Variants in NRXN3 observed in about 807,000 individuals in gnomAD.
The protein encoded by NRXN3 is neurexin III.
A neutral mutation model predicts 137.6 loss-of-function variants in NRXN3; 32 were observed. The ratio of observed to expected loss-of-function variants is 0.23; its 90% confidence interval spans 0.18 to 0.31. The LOEUF (loss-of-function observed/expected upper bound fraction) is 0.31, where lower values mean the gene tolerates loss of function less well. Ranked by LOEUF, NRXN3 falls within the 10% of genes least tolerant of loss-of-function variation. The pLI is 1.00. For missense variants in NRXN3, 1,574 were observed against 2,062.5 expected, an observed-to-expected ratio of 0.76 and a Z score of 4.59; for synonymous variants, 798 against 784.5, an observed-to-expected ratio of 1.02 and a Z score of -0.29.
At chr14:79,594,334 A>T (rs1475895988) in intron 16 of NRXN3, among the ~76,000 whole-genome samples, 1 of 152,188 alleles carries the variant, frequency 6.6e-6, no homozygotes, top group African/African-American at 2.4e-5. Flanking sequence ...CCCTGCTCTG[A>T]TAAAAAATAT....
chr14:79,531,398 A>G (rs1195150744), intron 16 of NRXN3, among the ~76,000 whole-genome samples: 1 of 152,226 alleles, frequency 6.6e-6, no homozygotes, highest in Admixed American at 6.5e-5. Flanking sequence ...AATGAAGGGT[A>G]GAACATTGAG....
chr14:79,759,022 A>C (rs1444442214), intron 19 of NRXN3, among the ~76,000 whole-genome samples: 1 of 152,216 alleles, frequency 6.6e-6, no homozygotes, highest in Non-Finnish European at 1.5e-5. Context: ...TACAGAAATC[A>C]GCTCTTGGAG....
chr14:78,554,284 C>A (rs8011361), intron 4 of NRXN3, among the ~76,000 whole-genome samples: 2 of 151,960 alleles, frequency 1.3e-5, no homozygotes, highest in African/African-American at 4.8e-5. Flanking sequence ...CACGACCAAG[C>A]GAGGTGCCAT....
intron 15 of NRXN3, among the ~76,000 whole-genome samples, chr14:79,080,799 G>T (rs1189021033): frequency 6.6e-6 from 1 of 152,092 alleles, no homozygotes; most frequent in Non-Finnish European, 1.5e-5. Context: ...CGCTTGCCAT[G>T]GTCTTTGTTT....
chr14:79,731,643 C>CT (rs530011034), intron 19 of NRXN3, among the ~76,000 whole-genome samples: 32,671 of 139,948 alleles, frequency 0.23, 4,041 homozygotes, highest in Middle Eastern at 0.33. Flanking sequence ...TCCCTTCCTT[C>CT]TTTTTTTTTT....
chr14:78,238,055 AAGG>A (rs1418506386), intron 1 of NRXN3, among the ~76,000 whole-genome samples: 4 of 152,178 alleles, frequency 2.6e-5, no homozygotes, highest in African/African-American at 9.6e-5. Flanking sequence ...ATGAAATTGG[AAGG>A]AGGGGTGGGG....
chr14:78,652,530 T>C (rs565227249), intron 6 of NRXN3, among the ~76,000 whole-genome samples: 1 of 152,360 alleles, frequency 6.6e-6, no homozygotes, highest in Non-Finnish European at 1.5e-5. Flanking sequence ...GGGATGTTAC[T>C]TGAGAAGCAA....
intron 15 of NRXN3, among the ~76,000 whole-genome samples, chr14:79,201,945 C>A (rs911881951): frequency 6.6e-6 from 1 of 152,192 alleles, no homozygotes; most frequent in African/African-American, 2.4e-5. Flanking sequence ...TTGGCTAAAG[C>A]CATATAGTTA....
At chr14:79,278,885 C>T (rs989845726) in intron 15 of NRXN3, among the ~76,000 whole-genome samples, 1 of 152,216 alleles carries the variant, frequency 6.6e-6, no homozygotes, top group African/African-American at 2.4e-5. Flanking sequence ...CCCAAGCCAC[C>T]GCCAGGCAGG....
At chr14:79,686,063 G>T (rs1236089628) in intron 17 of NRXN3, among the ~76,000 whole-genome samples, 3 of 152,014 alleles carry the variant, frequency 2.0e-5, no homozygotes. Context: ...GGAGGTCGAG[G>T]CGGGTGGATC....
chr14:79,481,022 G>A (rs578086211), intron 16 of NRXN3, among the ~76,000 whole-genome samples: 20 of 152,114 alleles, frequency 1.3e-4, no homozygotes, highest in East Asian at 9.7e-4. Flanking sequence ...ACTTACTTTC[G>A]TGAAAACAAC....
At chr14:78,993,746 G>A (rs543987998) in intron 15 of NRXN3, among the ~76,000 whole-genome samples, 2 of 151,626 alleles carry the variant, frequency 1.3e-5, no homozygotes, top group East Asian at 1.9e-4. Context: ...GGAGTCATAA[G>A]GTGGAGTAAT....
intron 20 of NRXN3, among the ~76,000 whole-genome samples, chr14:79,855,136 C>A (rs2141831206): frequency 6.6e-6 from 1 of 152,238 alleles, no homozygotes; most frequent in East Asian, 1.9e-4. Context: ...ATTTTCATAT[C>A]TAAAGTTATA....
chr14:78,243,809 C>A lies in NRXN3; in HGVS notation c.709+7C>A. On this transcript the variant is annotated splice_region_variant and intron_variant, in intron 2 of 20. Transcript: ENST00000335750. This position sits in a 1 kb window ranked among gnomAD's most constrained non-coding sequence, Gnocchi z 4.2. ...GGCAAGCTCTGCTCAGAAGGTAAGACCCTCTCCCTCTCTTGCTAGAGACCC... is the reference window on the plus strand; with the variant it reads ...GGCAAGCTCTGCTCAGAAGGTAAGAACCTCTCCCTCTCTTGCTAGAGACCC... 6.5e-7 allele frequency: 1 copy of A among 1,548,846 alleles called. No individual in the cohort carries two copies. The highest frequency in any genetic ancestry group is 1.2e-5 in the South Asian group (1 of 81,834).
chr14:79,807,052 G>A (rs1167694254), intron 20 of NRXN3, among the ~76,000 whole-genome samples: 4 of 129,422 alleles, frequency 3.1e-5, no homozygotes, highest in East Asian at 2.5e-4. Flanking sequence ...TTTATAGCTC[G>A]CTGCAGCCTT....
chr14:78,762,230 C>A (rs1437083186), intron 8 of NRXN3, among the ~76,000 whole-genome samples: 1 of 152,042 alleles, frequency 6.6e-6, no homozygotes, highest in Non-Finnish European at 1.5e-5. Context: ...TTCCTGATTT[C>A]TTTTTTAGCA....
intron 15 of NRXN3, among the ~76,000 whole-genome samples, chr14:79,176,414 C>T (rs911152634): frequency 1.3e-5 from 2 of 152,140 alleles, no homozygotes; most frequent in African/African-American, 4.8e-5. Context: ...CCACAGAAAA[C>T]CTCTAGCCTA....
chr14:79,698,018 T>TAAAG, intron 19 of NRXN3, 81 bp downstream of exon 19: 2 of 1,293,068 alleles, frequency 1.5e-6, no homozygotes, highest in Non-Finnish European at 2.2e-6. Flanking sequence ...TTTATGTAGC[T>TAAAG]AAAGAGTTTG....
At chr14:78,309,107 T>C (rs2153540667) in intron 4 of NRXN3, among the ~76,000 whole-genome samples, 1 of 152,230 alleles carries the variant, frequency 6.6e-6, no homozygotes, top group East Asian at 1.9e-4. Flanking sequence ...GCGTATTGAC[T>C]GGGTAAGTTT....
Sources: gnomAD v4.1 joint callset for allele counts (sites outside exome capture counted in the v4.1 genomes callset) on GRCh38, gnomAD v4.1.1 for gene constraint, Gnocchi (gnomAD v3.1) non-coding constraint, MANE v1.5 for transcripts, NCBI Gene and HGNC (gene_info 2026-07-23, HGNC 2026-07-21) for gene names.